The following MDM4 variants were observed in gnomAD, a reference collection of about 807,000 sequenced individuals.
MDM4 encodes the protein MDM4 regulator of p53.
In MDM4, 2 loss-of-function variants were observed where a neutral mutation model predicts 60.2. The observed-to-expected ratio is 0.03, with a 90% CI of 0.01 to 0.10. The LOEUF (loss-of-function observed/expected upper bound fraction) is 0.10. Ranked by LOEUF, MDM4 falls within the 10% of genes least tolerant of loss-of-function variation. The pLI is 1.00. For synonymous variants in MDM4, 202 were observed against 198.1 expected (o/e 1.02, Z -0.17); for missense variants, 447 against 577.5 (o/e 0.77, Z 2.32).
chr1:204,545,282 T>G (rs1572518072), intron 9 of MDM4, among the ~76,000 whole-genome samples: 1 of 152,240 alleles, frequency 6.6e-6, no homozygotes, highest in African/African-American at 2.4e-5. Context: ...AGATTATTTC[T>G]TTGTAGCTAT....
chr1:204,544,468 T>C (rs1355226245), intron 8 of MDM4, 67 bp from the exon 9 acceptor site: 1 of 1,505,294 alleles, frequency 6.6e-7, no homozygotes, highest in East Asian at 2.3e-5. Flanking sequence ...TGGGTTCATT[T>C]GTGTTGTTTC....
In MDM4 at chr1:204,554,972, A is replaced by G. The variant is rs1325350531; in HGVS notation, c.*5290A>G. ...ACTTGGATTTGCTGCACCTCTACCA[A>G]TAGCCTTTTGAATGACTGAAAGTGT... On this transcript the variant is annotated 3_prime_UTR_variant, in exon 11 of 11. Coordinates refer to ENST00000367182, the MANE Select transcript of MDM4 (RefSeq NM_002393.5). 1.4e-5 allele frequency: 3 copies of G among 220,256 alleles called. No individual in the cohort carries two copies. The South Asian group carries it at 5.5e-4, about 41-fold the overall frequency. 13.6% of individuals were successfully genotyped at this position (220,256 alleles called of 1,614,324 possible).
At chr1:204,543,015 C>T (rs1413205433) in intron 8 of MDM4, 71 bp downstream of exon 8, 2 of 1,263,844 alleles carry the variant, frequency 1.6e-6, no homozygotes, top group Admixed American at 4.1e-5. Context: ...TACTCTTGAC[C>T]ACACATTATA....
Position 204,554,146 on chromosome 1 carries a change from C to T in MDM4, c.*4464C>T, listed in dbSNP as rs1327687523. On this transcript the variant is annotated 3_prime_UTR_variant, in exon 11 of 11. Coordinates refer to ENST00000367182, the MANE Select transcript of MDM4 (RefSeq NM_002393.5). ...TGCAATGTTGGCTGCCTTTTGAAGT[C>T]TTTGATATATTGGTGAATATTCTTC... The T allele has an allele frequency of 1.3e-5, 3 of 228,412 alleles. No individual in the cohort carries two copies. The highest frequency in any genetic ancestry group is 2.6e-5 in the Non-Finnish European group (3 of 115,212). The allele number at this position is 228,412 out of a possible 1,614,324, so 14.1% of individuals were successfully genotyped here.
intron 5 of MDM4, among the ~76,000 whole-genome samples, chr1:204,535,928 C>T (rs1048610886): frequency 2.3e-4 from 35 of 152,084 alleles, no homozygotes; most frequent in Admixed American, 1.0e-3. Flanking sequence ...GGTAGTAAGG[C>T]TTTGGAAATA....
At chr1:204,546,368 A>AT (rs1007772977) in intron 9 of MDM4, among the ~76,000 whole-genome samples, 8 of 151,698 alleles carry the variant, frequency 5.3e-5, no homozygotes, top group South Asian at 4.2e-4. Context: ...CACCTGGCTA[A>AT]TTTTTTTTAT....
intron 6 of MDM4, 51 bp downstream of exon 6, chr1:204,537,548 C>CTG: frequency 7.6e-7 from 1 of 1,315,698 alleles, no homozygotes; most frequent in Non-Finnish European, 1.1e-6. Context: ...GGCCCCTTCT[C>CTG]TGTACCTATG....
At chr1:204,532,861 T>A (rs1661011079) in intron 5 of MDM4, 2 of 1,591,144 alleles carry the variant, frequency 1.3e-6, no homozygotes, top group Non-Finnish European at 1.7e-6. Context: ...TTACCCTCTC[T>A]ATTTTTGGTA....
At chr1:204,516,858 A>G (rs1032634204) in intron 1 of MDM4, among the ~76,000 whole-genome samples, 1 of 152,232 alleles carries the variant, frequency 6.6e-6, no homozygotes, top group African/African-American at 2.4e-5. Flanking sequence ...GGAACCGGGT[A>G]GAATGACATT....
chr1:204,517,120 G>A (rs1659060574), intron 1 of MDM4, among the ~76,000 whole-genome samples: 1 of 151,902 alleles, frequency 6.6e-6, no homozygotes, highest in Non-Finnish European at 1.5e-5. Context: ...GCGCATGCCT[G>A]TAATCCTAGC....
intron 3 of MDM4, among the ~76,000 whole-genome samples, chr1:204,528,516 G>C (rs1660478887): frequency 6.6e-6 from 1 of 152,212 alleles, no homozygotes; most frequent in African/African-American, 2.4e-5. Context: ...GTGGAGCTCA[G>C]CTGACTGGAC....
intron 8 of MDM4, among the ~76,000 whole-genome samples, chr1:204,544,162 A>G (rs1662412952): frequency 6.6e-6 from 1 of 152,252 alleles, no homozygotes; most frequent in Non-Finnish European, 1.5e-5. Context: ...AGAATATGTC[A>G]GAACTAATGG....
chr1:204,524,756 G>A (rs902224420), intron 1 of MDM4, among the ~76,000 whole-genome samples: 2 of 152,252 alleles, frequency 1.3e-5, no homozygotes, highest in African/African-American at 2.4e-5. Context: ...CAGCCTGGGG[G>A]ACAGCGAGAC....
chr1:204,535,700 T>C (rs936796509), intron 5 of MDM4, among the ~76,000 whole-genome samples: 4 of 151,896 alleles, frequency 2.6e-5, no homozygotes, highest in African/African-American at 9.7e-5. Context: ...GCCCGGCTAA[T>C]TTTTGTGATT....
Position 204,532,176 on chromosome 1 carries a change from TTC to T in MDM4, c.288-9_288-8del. The T allele has an allele frequency of 6.4e-7, 1 of 1,561,504 alleles. No individual in the cohort carries two copies. The highest frequency in any genetic ancestry group is 2.3e-5 in the East Asian group (1 of 44,442). ...CATTTGGGGTTGTTAATTTTTTATC[TTC>T]TCTCTTTAACAGCCCTCTCTATGAT... is the stretch of plus-strand genomic sequence containing the variant. On this transcript the variant is annotated splice_polypyrimidine_tract_variant and intron_variant, in intron 4 of 10. Coordinates refer to ENST00000367182, the MANE Select transcript of MDM4 (RefSeq NM_002393.5).
intron 1 of MDM4, among the ~76,000 whole-genome samples, chr1:204,520,016 G>A (rs1408131575): frequency 1.3e-5 from 2 of 152,146 alleles, no homozygotes; most frequent in African/African-American, 4.8e-5. Flanking sequence ...GGTGGCTTAT[G>A]CCTGTAATCC....
At chr1:204,529,509 C>T in intron 3 of MDM4, 2 of 1,514,476 alleles carry the variant, frequency 1.3e-6, no homozygotes, top group South Asian at 2.4e-5. Context: ...TCCATAGGGC[C>T]CTCTACCAGC....
At chr1:204,544,832 A>T (rs4252727) in intron 9 of MDM4, 148 bp downstream of exon 9, 1 of 817,266 alleles carries the variant, frequency 1.2e-6, no homozygotes, top group Non-Finnish European at 1.8e-6. Context: ...TTTAAGATTC[A>T]CATTAAGTAA....
In MDM4 at chr1:204,553,813, A is replaced by C. The variant is rs1427398885; in HGVS notation, c.*4131A>C. 2.3e-5 allele frequency: 5 copies of C among 219,256 alleles called. No homozygotes were observed. Among genetic ancestry groups the C allele is most frequent in the Admixed American group, 5.8e-5 (1 of 17,220 alleles). 13.6% of individuals were successfully genotyped at this position (219,256 alleles called of 1,614,324 possible). ...TTATTTAATGCTTAAATCAAACTTT[A>C]TAAAAATCTTAGACCAGATCTTTAA... On this transcript the variant is annotated 3_prime_UTR_variant, in exon 11 of 11. Transcript: ENST00000367182.
Sources: allele counts gnomAD v4.1 joint callset (sites outside exome capture counted in the v4.1 genomes callset), GRCh38; gene constraint gnomAD v4.1.1; transcripts MANE v1.5; gene names NCBI Gene and HGNC (gene_info 2026-07-23, HGNC 2026-07-21).